BCL2: variants seen among roughly 807,000 people sequenced by gnomAD.
The protein encoded by BCL2 is apoptosis regulator Bcl-2.
BCL2 carries 1 observed loss-of-function variant against 14.2 expected under a neutral mutation model. The ratio of observed to expected loss-of-function variants is 0.07; its 90% confidence interval spans 0.02 to 0.33. The LOEUF is 0.33. BCL2 is among the 10% of genes least tolerant of loss of function. The pLI, the probability that BCL2 is intolerant of heterozygous loss-of-function variation, is 0.99. For missense variants in BCL2, 247 were observed against 305.9 expected (o/e 0.81, Z 1.44); for synonymous variants, 151 against 137.2 (o/e 1.10, Z -0.70).
At chr18:63,167,973 G>A (rs1915086694) in intron 2 of BCL2, among the ~76,000 whole-genome samples, 1 of 152,106 alleles carries the variant, frequency 6.6e-6, no homozygotes. Context: ...TGAGGCAGGA[G>A]GATCACTTGA....
chr18:63,148,477 T>G (rs1914568696), intron 2 of BCL2, among the ~76,000 whole-genome samples: 1 of 152,204 alleles, frequency 6.6e-6, no homozygotes, highest in Admixed American at 6.5e-5. Flanking sequence ...AGAAAACATT[T>G]GTTATTTTAA....
At chr18:63,142,615 C>T (rs1237670224) in intron 2 of BCL2, among the ~76,000 whole-genome samples, 1 of 152,154 alleles carries the variant, frequency 6.6e-6, no homozygotes, top group Non-Finnish European at 1.5e-5. Flanking sequence ...ATTCTGTGAC[C>T]GTCAAAGTGA....
chr18:63,144,385 A>G (rs1331923517), intron 2 of BCL2, among the ~76,000 whole-genome samples: 1 of 152,176 alleles, frequency 6.6e-6, no homozygotes, highest in East Asian at 1.9e-4. Context: ...CTGCCATCAG[A>G]AAGGTCACAC....
chr18:63,190,706 T>C (rs903136023), intron 2 of BCL2, among the ~76,000 whole-genome samples: 3 of 152,208 alleles, frequency 2.0e-5, no homozygotes, highest in Non-Finnish European at 4.4e-5. Flanking sequence ...TTTTTTAAAA[T>C]TTTACTTTAA....
At chr18:63,145,614 A>T (rs1381204006) in intron 2 of BCL2, among the ~76,000 whole-genome samples, 1 of 152,252 alleles carries the variant, frequency 6.6e-6, no homozygotes, top group African/African-American at 2.4e-5. Flanking sequence ...AGCTCTGCTC[A>T]CCAAGCATTT....
At chr18:63,317,909 T>A in intron 2 of BCL2, 173 bp downstream of exon 2, 1 of 1,445,322 alleles carries the variant, frequency 6.9e-7, no homozygotes, top group Non-Finnish European at 9.1e-7. Context: ...TCGGTCAGGT[T>A]GGGAGTGAAC....
At chr18:63,131,403 T>C (rs989256801) in intron 2 of BCL2, among the ~76,000 whole-genome samples, 1 of 152,228 alleles carries the variant, frequency 6.6e-6, no homozygotes, top group African/African-American at 2.4e-5. Flanking sequence ...AAATGTGTGT[T>C]TAGTGCTCTT....
At chr18:63,198,786 GACACAGACAC>G (rs1909563177) in intron 2 of BCL2, among the ~76,000 whole-genome samples, 1 of 34,392 alleles carries the variant, frequency 2.9e-5, no homozygotes, top group African/African-American at 1.1e-4. Context: ...CAGACACAGA[GACACAGACAC>G]ACACTGACAC....
At chr18:63,166,065 A>C (rs1915036428) in intron 2 of BCL2, among the ~76,000 whole-genome samples, 1 of 152,208 alleles carries the variant, frequency 6.6e-6, no homozygotes, top group Non-Finnish European at 1.5e-5. Flanking sequence ...CACAGGACAC[A>C]AAGCCTGGCC....
chr18:63,249,795 G>C (rs1487155005), intron 2 of BCL2, among the ~76,000 whole-genome samples: 1 of 148,064 alleles, frequency 6.8e-6, no homozygotes, highest in Non-Finnish European at 1.5e-5. Flanking sequence ...ACATGCCTAA[G>C]ATGTCACAAC....
intron 2 of BCL2, among the ~76,000 whole-genome samples, chr18:63,212,661 G>T (rs1443697464): frequency 6.6e-6 from 1 of 152,046 alleles, no homozygotes; most frequent in Non-Finnish European, 1.5e-5. Context: ...CGGATCACGA[G>T]GTCAGGAGTT....
At chr18:63,193,030 A>G (rs1025682240) in intron 2 of BCL2, among the ~76,000 whole-genome samples, 1 of 152,218 alleles carries the variant, frequency 6.6e-6, no homozygotes, top group Non-Finnish European at 1.5e-5. Flanking sequence ...CTCAACCATT[A>G]AAGACCTATT....
At chr18:63,178,812 A>G (rs1915409839) in intron 2 of BCL2, among the ~76,000 whole-genome samples, 1 of 151,398 alleles carries the variant, frequency 6.6e-6, no homozygotes, top group African/African-American at 2.4e-5. Context: ...TGAAATTGTC[A>G]CTGCGCCTTT....
chr18:63,153,319 C>T (rs1174562836), intron 2 of BCL2, among the ~76,000 whole-genome samples: 1 of 152,100 alleles, frequency 6.6e-6, no homozygotes, highest in Non-Finnish European at 1.5e-5. Context: ...TGTGAAGTGC[C>T]TGGCAGCAAA....
chr18:63,316,330 G>T (rs535553533), intron 2 of BCL2: 13 of 152,212 alleles, frequency 8.5e-5, no homozygotes, highest in Non-Finnish European at 1.5e-4. Flanking sequence ...AAGAAAATTT[G>T]TAAGTGTGAA....
intron 2 of BCL2, among the ~76,000 whole-genome samples, chr18:63,247,139 T>C (rs902703261): frequency 5.9e-5 from 9 of 151,964 alleles, no homozygotes; most frequent in African/African-American, 2.2e-4. Context: ...GAGATAGGAA[T>C]GAACATATAC....
At chr18:63,251,033 C>T (rs959017856) in intron 2 of BCL2, among the ~76,000 whole-genome samples, 3 of 151,980 alleles carry the variant, frequency 2.0e-5, no homozygotes, top group South Asian at 2.1e-4. Context: ...TATGAATTGA[C>T]GTAAGACAAA....
intron 2 of BCL2, among the ~76,000 whole-genome samples, chr18:63,205,165 A>G (rs750856747): frequency 6.6e-6 from 1 of 152,226 alleles, no homozygotes; most frequent in Non-Finnish European, 1.5e-5. Flanking sequence ...GAAAAAGTTG[A>G]ATTTCAAACT....
At chr18:63,256,995 A>T (rs1911497197) in intron 2 of BCL2, among the ~76,000 whole-genome samples, 1 of 152,240 alleles carries the variant, frequency 6.6e-6, no homozygotes, top group African/African-American at 2.4e-5. Context: ...AATTCATTCA[A>T]AATTTTTAAA....
Sources: gnomAD v4.1 joint callset for allele counts (sites outside exome capture counted in the v4.1 genomes callset) on GRCh38, gnomAD v4.1.1 for gene constraint, MANE v1.5 for transcripts, NCBI Gene and HGNC (gene_info 2026-07-23, HGNC 2026-07-21) for gene names.